The following LARGE1 variants were observed in gnomAD, a reference collection of about 807,000 sequenced individuals.
LARGE1 encodes the protein xylosyl- and glucuronyltransferase LARGE1.
In LARGE1, 43 loss-of-function variants were observed where a neutral mutation model predicts 87.6. That is an observed-to-expected ratio of 0.49 (90% confidence interval 0.38 to 0.63). The LOEUF (loss-of-function observed/expected upper bound fraction) is 0.63. LARGE1 is among the 30% of genes least tolerant of loss of function. The pLI is 0.00. For synonymous variants in LARGE1, 434 were observed against 394.6 expected (o/e 1.10, Z -1.18); for missense variants, 802 against 1,000.2 (o/e 0.80, Z 2.67).
At chr22:33,445,465 G>GA (rs1022594982) in intron 6 of LARGE1, among the ~76,000 whole-genome samples, 1 of 152,162 alleles carries the variant, frequency 6.6e-6, no homozygotes, top group Non-Finnish European at 1.5e-5. Context: ...ATCGGGAAGG[G>GA]AGGAAGAAGG....
At chr22:33,585,857 C>A (rs372856500) in intron 5 of LARGE1, among the ~76,000 whole-genome samples, 35 of 152,298 alleles carry the variant, frequency 2.3e-4, no homozygotes, top group Middle Eastern at 3.4e-3. Context: ...GCTCACCACG[C>A]CCGGCTAATT....
At position 33,403,887 on chromosome 22, in the gene LARGE1, C is replaced by T. The variant is rs1001622144; in HGVS notation, c.893-19583G>A. 1.9e-4 allele frequency among the ~76,000 whole-genome samples: 29 copies of T among 152,186 alleles called. No homozygotes were observed. In the East Asian group the frequency reaches 2.3e-3, roughly 12 times the overall value. ...CGTTGGGATTACAGGCGTGAGCCACCGCGCCCGGCCCATACTAGCTCATTT... is the reference window on the plus strand; with the variant it reads ...CGTTGGGATTACAGGCGTGAGCCACTGCGCCCGGCCCATACTAGCTCATTT... On this transcript the variant is annotated intron_variant, in intron 7 of 14. Coordinates refer to ENST00000397394, the MANE Select transcript of LARGE1 (RefSeq NM_133642.5).
chr22:33,743,538 G>A (rs947062141), intron 2 of LARGE1, among the ~76,000 whole-genome samples: 17 of 152,100 alleles, frequency 1.1e-4, no homozygotes, highest in African/African-American at 3.9e-4. Flanking sequence ...CATCTCCATT[G>A]CCACTACCAC....
intron 11 of LARGE1, chr22:33,305,507 G>T: frequency 1.2e-6 from 1 of 807,596 alleles, no homozygotes; most frequent in Non-Finnish European, 1.5e-6. Flanking sequence ...AACAGCAAAA[G>T]CCTACTTGAA....
At chr22:33,493,658 C>T (rs1430606820) in intron 6 of LARGE1, among the ~76,000 whole-genome samples, 1 of 152,082 alleles carries the variant, frequency 6.6e-6, no homozygotes, top group Non-Finnish European at 1.5e-5. Context: ...ATGATCATAC[C>T]CATTTTGCAG....
the LARGE1 span, among the ~76,000 whole-genome samples, chr22:33,089,308 T>C: frequency 9.6e-4 from 114 of 119,034 alleles, no homozygotes; most frequent in South Asian, 2.5e-3. Context: ...CTTCCTCTTC[T>C]TCTTCTTTCT....
intron 11 of LARGE1, among the ~76,000 whole-genome samples, chr22:33,252,251 T>TCC (rs34458283): frequency 3.0e-3 from 336 of 111,462 alleles, no homozygotes; most frequent in East Asian, 7.3e-3. Flanking sequence ...ATTCCTTCAT[T>TCC]CCCCCCCCCC....
At chr22:33,084,617 T>A in the LARGE1 span, among the ~76,000 whole-genome samples, 1 of 152,094 alleles carries the variant, frequency 6.6e-6, no homozygotes, top group Non-Finnish European at 1.5e-5. Context: ...ATAGCAACAC[T>A]GCACTTCAGT....
intron 6 of LARGE1, among the ~76,000 whole-genome samples, chr22:33,561,314 G>T (rs910565879): frequency 6.6e-6 from 1 of 152,190 alleles, no homozygotes; most frequent in Admixed American, 6.5e-5. Context: ...TCTCTGGTAC[G>T]CCAGGGAGAG....
At chr22:33,223,249 G>A (rs1052391778) in intron 11 of LARGE1, among the ~76,000 whole-genome samples, 3 of 152,144 alleles carry the variant, frequency 2.0e-5, no homozygotes, top group African/African-American at 4.8e-5. Context: ...TAAGTCAAAG[G>A]GGCAAGGCAG....
chr22:33,444,852 C>T (rs1292464784), intron 6 of LARGE1, among the ~76,000 whole-genome samples: 5 of 151,380 alleles, frequency 3.3e-5, no homozygotes, highest in African/African-American at 7.3e-5. Context: ...GACGGTGAGA[C>T]GTTGTCTTGT....
intron 6 of LARGE1, among the ~76,000 whole-genome samples, chr22:33,506,613 A>G (rs2070778609): frequency 6.6e-6 from 1 of 152,180 alleles, no homozygotes; most frequent in Non-Finnish European, 1.5e-5. Flanking sequence ...AAAACTCAGG[A>G]GAACTGGCCT....
intron 1 of LARGE1, among the ~76,000 whole-genome samples, chr22:33,915,042 C>CACACACAGAGAGAG (rs144076486): frequency 6.6e-5 from 9 of 137,110 alleles, no homozygotes; most frequent in East Asian, 2.3e-4. Context: ...CACACACACA[C>CACACACAGAGAGAG]AGAGAGAGAG....
At chr22:33,553,546 C>T (rs895813629) in intron 6 of LARGE1, among the ~76,000 whole-genome samples, 1 of 152,016 alleles carries the variant, frequency 6.6e-6, no homozygotes, top group Non-Finnish European at 1.5e-5. Context: ...CAAAATAGCT[C>T]TAATATTAAT....
intron 11 of LARGE1, among the ~76,000 whole-genome samples, chr22:33,239,115 A>T (rs1007111115): frequency 1.1e-4 from 16 of 152,194 alleles, no homozygotes; most frequent in African/African-American, 3.6e-4. Context: ...AATGTAAAAA[A>T]AAAAAAACCT....
At chr22:33,833,178 T>C (rs990128566) in intron 1 of LARGE1, among the ~76,000 whole-genome samples, 17 of 152,222 alleles carry the variant, frequency 1.1e-4, no homozygotes, top group Non-Finnish European at 1.5e-5. Context: ...CTCAATTAGA[T>C]TTGAAACTAA....
intron 6 of LARGE1, among the ~76,000 whole-genome samples, chr22:33,455,214 G>A (rs2068084127): frequency 6.6e-6 from 1 of 152,172 alleles, no homozygotes; most frequent in African/African-American, 2.4e-5. Context: ...TGTTTTTATA[G>A]TAACTGATGT....
At chr22:33,114,955 T>C in the LARGE1 span, among the ~76,000 whole-genome samples, 1 of 152,232 alleles carries the variant, frequency 6.6e-6, no homozygotes, top group Non-Finnish European at 1.5e-5. Context: ...GAAATTTTCT[T>C]ATTGTATTTG....
intron 10 of LARGE1, among the ~76,000 whole-genome samples, chr22:33,318,080 CA>C (rs200101353): frequency 0.024 from 3,692 of 151,844 alleles, 152 homozygotes; most frequent in African/African-American, 0.085. Context: ...ACTAAAAACA[CA>C]AAAAATTAGC....
Sources: gnomAD v4.1 joint callset for allele counts (sites outside exome capture counted in the v4.1 genomes callset) on GRCh38, gnomAD v4.1.1 for gene constraint, MANE v1.5 for transcripts, NCBI Gene and HGNC (gene_info 2026-07-23, HGNC 2026-07-21) for gene names.